The following RGS7 variants were observed in gnomAD, a reference collection of about 807,000 sequenced individuals.
The protein encoded by RGS7 is regulator of G-protein signaling 7.
RGS7 carries 27 observed loss-of-function variants against 81.1 expected under a neutral mutation model. The observed-to-expected ratio is 0.33, with a 90% CI of 0.25 to 0.46. RGS7 has a LOEUF of 0.46. RGS7 is among the 20% of genes least tolerant of loss of function. The pLI is 1.00. For synonymous variants in RGS7, 208 were observed against 207.7 expected, an observed-to-expected ratio of 1.00 and a Z score of -0.01; for missense variants, 396 against 607.4, an observed-to-expected ratio of 0.65 and a Z score of 3.66.
intron 2 of RGS7, among the ~76,000 whole-genome samples, chr1:241,222,851 TC>T (rs200654364): frequency 0.014 from 2,043 of 149,544 alleles, 47 homozygotes; most frequent in African/African-American, 0.047. Context: ...TGTGTGATGT[TC>T]CCCTCCCTAT....
intron 2 of RGS7, among the ~76,000 whole-genome samples, chr1:241,179,600 T>C (rs1558160244): frequency 6.6e-6 from 1 of 152,152 alleles, no homozygotes; most frequent in Non-Finnish European, 1.5e-5. Context: ...CACAAGCTCA[T>C]GATTAATTAC....
Position 241,200,249 on chromosome 1 carries a change from C to T in RGS7, c.79-101487G>A, listed in dbSNP as rs142996594. On this transcript the variant is annotated intron_variant, in intron 2 of 18. Transcript: ENST00000440928. ...CATTAATGAGATATTTAAATATTACCTTACTTTTTTCAAAAAGTGTTCCTT... is the reference window on the plus strand; with the variant it reads ...CATTAATGAGATATTTAAATATTACTTTACTTTTTTCAAAAAGTGTTCCTT... Among the ~76,000 whole-genome samples the T allele has an allele frequency of 4.2e-4, 64 of 152,056 alleles. 1 individual carries two copies. The East Asian group carries it at 0.012, about 29-fold the overall frequency.
Position 240,776,083 on chromosome 1 carries a change from C to A in RGS7, c.*137G>T. On this transcript the variant is annotated 3_prime_UTR_variant, in exon 19 of 19. Coordinates refer to ENST00000440928, the MANE Select transcript of RGS7 (RefSeq NM_001364886.1). ...CTCATGCAACATCTTGTTCTAATGTCCTCTGCTCCAGGTCACAACATTGAG... is the reference window on the plus strand; with the variant it reads ...CTCATGCAACATCTTGTTCTAATGTACTCTGCTCCAGGTCACAACATTGAG... 9.4e-7 allele frequency: 1 copy of A among 1,058,452 alleles called. No homozygotes were observed. Among genetic ancestry groups the A allele is most frequent in the South Asian group, 1.3e-5 (1 of 79,774 alleles). 65.6% of individuals were successfully genotyped at this position (1,058,452 alleles called of 1,614,324 possible).
At chr1:241,291,013 C>T (rs922411029) in intron 2 of RGS7, among the ~76,000 whole-genome samples, 5 of 152,320 alleles carry the variant, frequency 3.3e-5, no homozygotes, top group South Asian at 4.1e-4. Flanking sequence ...TTTGTTTCCA[C>T]GTGCCCCACC....
At chr1:240,852,231 A>C (rs559269346) in intron 9 of RGS7, among the ~76,000 whole-genome samples, 12 of 152,324 alleles carry the variant, frequency 7.9e-5, no homozygotes, top group Non-Finnish European at 1.6e-4. Context: ...ATCAGCACTG[A>C]GGCAAGATCT....
At chr1:241,152,140 CAAAA>C (rs112950850) in intron 2 of RGS7, among the ~76,000 whole-genome samples, 1 of 108,476 alleles carries the variant, frequency 9.2e-6, no homozygotes. Flanking sequence ...CATTAGCAGC[CAAAA>C]AAAAAAAAAA....
At chr1:241,203,678 T>C (rs1378632742) in intron 2 of RGS7, among the ~76,000 whole-genome samples, 1 of 152,182 alleles carries the variant, frequency 6.6e-6, no homozygotes, top group Non-Finnish European at 1.5e-5. Flanking sequence ...GAATCTTGCC[T>C]GACATAATCC....
At chr1:241,223,669 T>A (rs1441934715) in intron 2 of RGS7, among the ~76,000 whole-genome samples, 2 of 151,828 alleles carry the variant, frequency 1.3e-5, no homozygotes, top group African/African-American at 4.8e-5. Flanking sequence ...CTGTTCTCCC[T>A]TTGTCCAGAG....
chr1:240,973,297 T>A (rs1031384646), intron 4 of RGS7, among the ~76,000 whole-genome samples: 2 of 151,992 alleles, frequency 1.3e-5, no homozygotes, highest in Non-Finnish European at 2.9e-5. Context: ...GGAGGGCAGA[T>A]CACCTGAGGT....
chr1:240,880,960 T>C lies in RGS7; in HGVS notation c.386-10841A>G, dbSNP rs144904135. The stretch of plus-strand genomic sequence containing the variant: ...AATTTTGGTAAACTTCTGGAAAGTA[T>C]GGTGTATTAGCCAATTGTTACTTGT... On this transcript the variant is annotated intron_variant, in intron 6 of 18. Coordinates refer to ENST00000440928, the MANE Select transcript of RGS7 (RefSeq NM_001364886.1). Among the ~76,000 whole-genome samples the C allele has an allele frequency of 2.7e-3, 408 of 152,310 alleles. 4 individuals carry two copies. Among genetic ancestry groups the C allele is most frequent in the African/African-American group, 9.2e-3 (381 of 41,568 alleles).
chr1:241,030,373 T>TATATATATATATACACACAC (rs374223475), intron 3 of RGS7, among the ~76,000 whole-genome samples: 14 of 135,240 alleles, frequency 1.0e-4, no homozygotes, highest in African/African-American at 3.4e-4. Flanking sequence ...TATATATATA[T>TATATATATATATACACACAC]ACATACACAC....
In RGS7 at chr1:241,348,307, T is replaced by C. The variant is rs150438443; in HGVS notation, c.78+7392A>G. Among the ~76,000 whole-genome samples, 353 of 152,168 alleles carry C rather than the reference T, an allele frequency of 2.3e-3. 4 individuals are homozygous for C. Among genetic ancestry groups the C allele is most frequent in the African/African-American group, 8.0e-3 (334 of 41,518 alleles). ...GATATGAACAGAACGACCACCAGAA[T>C]AGGTCAGACTAAGTTCCCAATCTTA... On this transcript the variant is annotated intron_variant, in intron 2 of 18. Transcript: ENST00000440928.
intron 4 of RGS7, among the ~76,000 whole-genome samples, chr1:240,957,789 G>T (rs1006111386): frequency 2.0e-5 from 3 of 152,112 alleles, no homozygotes; most frequent in African/African-American, 7.2e-5. Flanking sequence ...GAAACTTTTT[G>T]TACTATTTTG....
chr1:241,197,191 T>A (rs867095168), intron 2 of RGS7, among the ~76,000 whole-genome samples: 4 of 150,868 alleles, frequency 2.7e-5, no homozygotes, highest in African/African-American at 7.3e-5. Flanking sequence ...TATAAGAATA[T>A]AAAAAAGTTG....
chr1:241,201,541 T>C (rs539518878), intron 2 of RGS7, among the ~76,000 whole-genome samples: 21 of 152,188 alleles, frequency 1.4e-4, no homozygotes, highest in Non-Finnish European at 2.6e-4. Context: ...CTCACCAAAG[T>C]GATATGTATC....
intron 2 of RGS7, among the ~76,000 whole-genome samples, chr1:241,346,502 C>A (rs2082908089): frequency 6.6e-6 from 1 of 152,182 alleles, no homozygotes; most frequent in Non-Finnish European, 1.5e-5. Flanking sequence ...GACTTTGGAC[C>A]AGGCATTCAT....
At chr1:241,020,019 G>A (rs1183921613) in intron 3 of RGS7, among the ~76,000 whole-genome samples, 1 of 152,120 alleles carries the variant, frequency 6.6e-6, no homozygotes, top group Non-Finnish European at 1.5e-5. Context: ...TTTGCATATT[G>A]GAAATAAAAG....
chr1:240,944,116 G>GA (rs1023573512), intron 4 of RGS7, among the ~76,000 whole-genome samples: 19 of 150,892 alleles, frequency 1.3e-4, no homozygotes, highest in African/African-American at 4.6e-4. Context: ...GCTGAAATTT[G>GA]AAAAAATGAT....
chr1:240,904,291 C>T (rs1340253690), intron 6 of RGS7, among the ~76,000 whole-genome samples: 3 of 152,098 alleles, frequency 2.0e-5, no homozygotes, highest in Admixed American at 6.5e-5. Context: ...AAGATCAGGA[C>T]GGGAGTGTTA....
Sources: gnomAD v4.1 joint callset for allele counts (sites outside exome capture counted in the v4.1 genomes callset) on GRCh38, gnomAD v4.1.1 for gene constraint, MANE v1.5 for transcripts, NCBI Gene and HGNC (gene_info 2026-07-23, HGNC 2026-07-21) for gene names.